SMNDC1: variants seen among roughly 807,000 people sequenced by gnomAD.
SMNDC1 encodes survival motor neuron domain containing 1, also known as survival of motor neuron-related-splicing factor 30.
Under a neutral mutation model 29.2 loss-of-function variants are expected in SMNDC1, and 5 were observed. That is an observed-to-expected ratio of 0.17 (90% CI 0.09 to 0.36). The LOEUF is 0.36. Ranked by LOEUF, SMNDC1 falls within the 10% of genes least tolerant of loss-of-function variation. The pLI, the probability that SMNDC1 is intolerant of heterozygous loss-of-function variation, is 1.00. For synonymous variants in SMNDC1, 80 were observed against 89.9 expected (o/e 0.89, Z 0.62); for missense variants, 142 against 268.5 (o/e 0.53, Z 3.29).
chr10:110,297,649 C>G lies in SMNDC1; in HGVS notation c.343G>C (p.Glu115Gln), dbSNP rs1477959785. The change falls in exon 4 of 6, where the codon GAA becomes CAA. Residue 115 changes from glutamate (E) to glutamine (Q), a missense_variant. Coordinates refer to ENST00000369603, the MANE Select transcript of SMNDC1 (RefSeq NM_005871.4). The part of the protein sequence containing the change: ...AITFAGYGNA[E>Q]VTPLLNLKPV... ...TTGAGGTTCAACAGTGGAGTCACTT[C>G]AGCATTGCCATAACCAGCAAAGGTG... The G allele has an allele frequency of 6.2e-7, 1 of 1,614,040 alleles. No homozygotes were observed. Among genetic ancestry groups the G allele is most frequent in the Admixed American group, 1.7e-5 (1 of 59,990 alleles).
intron 2 of SMNDC1, among the ~76,000 whole-genome samples, chr10:110,302,283 C>T (rs1205607318): frequency 3.9e-5 from 6 of 152,168 alleles, no homozygotes; most frequent in Non-Finnish European, 8.8e-5. Flanking sequence ...CCCAAAACAT[C>T]TTTTTTGTAT....
At chr10:110,295,422 C>A in intron 4 of SMNDC1, 41 bp from the exon 5 acceptor site, 2 of 1,508,860 alleles carry the variant, frequency 1.3e-6, no homozygotes, top group South Asian at 1.3e-5. Context: ...TAAGACTTAT[C>A]ATACAAGAAT....
At chr10:110,303,323 C>A in intron 2 of SMNDC1, 145 bp downstream of exon 2, 1 of 615,616 alleles carries the variant, frequency 1.6e-6, no homozygotes, top group Non-Finnish European at 2.7e-6. Flanking sequence ...GGAAGCAACC[C>A]TACTTCTACA....
intron 2 of SMNDC1, among the ~76,000 whole-genome samples, chr10:110,302,034 T>C (rs753690640): frequency 1.1e-4 from 17 of 152,176 alleles, no homozygotes; most frequent in Non-Finnish European, 1.8e-4. Context: ...ATACAAAACA[T>C]TGGCACCCAG....
At position 110,291,224 on chromosome 10, in the gene SMNDC1, C is replaced by A. The variant is rs1857496390; in HGVS notation, c.*2926G>T. Reference sequence around the variant, plus strand: ...GTGTTCGTCAAACAACATACCTTGGCCTGGATAAGTCTAAGGTTGGTCCCA... The same window carrying A: ...GTGTTCGTCAAACAACATACCTTGGACTGGATAAGTCTAAGGTTGGTCCCA... On this transcript the variant is annotated 3_prime_UTR_variant, in exon 6 of 6. Transcript: ENST00000369603. 1 of 152,166 alleles carries A rather than the reference C, an allele frequency of 6.6e-6. No homozygotes were observed. The highest frequency in any genetic ancestry group is 2.4e-5 in the African/African-American group (1 of 41,420). 9.4% of individuals were successfully genotyped at this position (152,166 alleles called of 1,614,324 possible).
At chr10:110,295,731 T>A (rs1857555264) in intron 4 of SMNDC1, among the ~76,000 whole-genome samples, 1 of 151,474 alleles carries the variant, frequency 6.6e-6, no homozygotes, top group Non-Finnish European at 1.5e-5. Context: ...AACCTCCACC[T>A]CCTGGGTTCA....
intron 4 of SMNDC1, 115 bp downstream of exon 4, chr10:110,297,452 A>G: frequency 1.0e-6 from 1 of 962,584 alleles, no homozygotes; most frequent in South Asian, 1.7e-5. Flanking sequence ...CTAATCTTCA[A>G]AACAACGGTA....
At chr10:110,302,502 G>A (rs1043759478) in intron 2 of SMNDC1, among the ~76,000 whole-genome samples, 9 of 152,090 alleles carry the variant, frequency 5.9e-5, no homozygotes, top group Non-Finnish European at 1.0e-4. Flanking sequence ...CCCTATTTCC[G>A]TTAAGTTTGT....
intron 4 of SMNDC1, 24 bp downstream of exon 4, chr10:110,297,540 TAAA>T: frequency 6.2e-7 from 1 of 1,605,896 alleles, no homozygotes; most frequent in Non-Finnish European, 8.5e-7. Context: ...AGATTGCACC[TAAA>T]ATGGAAAAGT....
At chr10:110,294,853 G>T (rs1857543042) in intron 5 of SMNDC1, among the ~76,000 whole-genome samples, 1 of 152,188 alleles carries the variant, frequency 6.6e-6, no homozygotes, top group East Asian at 1.9e-4. Context: ...CAAGGTAAGT[G>T]TATCAAGGGA....
At chr10:110,294,438 A>G in intron 5 of SMNDC1, 151 bp from the exon 6 acceptor site, 1 of 605,674 alleles carries the variant, frequency 1.7e-6, no homozygotes, top group South Asian at 2.5e-5. Context: ...ATGGGTACAG[A>G]AGTGGTCCCA....
chr10:110,302,699 GT>G (rs1398022788), intron 2 of SMNDC1, among the ~76,000 whole-genome samples: 29 of 152,148 alleles, frequency 1.9e-4, no homozygotes, highest in Admixed American at 1.6e-3. Context: ...GCTCTTAAAA[GT>G]CATATATATT....
At chr10:110,296,152 A>G (rs1590426430) in intron 4 of SMNDC1, among the ~76,000 whole-genome samples, 1 of 152,220 alleles carries the variant, frequency 6.6e-6, no homozygotes, top group Non-Finnish European at 1.5e-5. Context: ...CACAAATGGA[A>G]ATCATAGCTA....
chr10:110,302,422 G>A (rs1857666505), intron 2 of SMNDC1, among the ~76,000 whole-genome samples: 1 of 152,178 alleles, frequency 6.6e-6, no homozygotes, highest in Non-Finnish European at 1.5e-5. Flanking sequence ...TATTCTAAAT[G>A]TAGAACTTGA....
At chr10:110,296,439 TTAATA>T (rs1160303788) in intron 4 of SMNDC1, among the ~76,000 whole-genome samples, 6 of 152,194 alleles carry the variant, frequency 3.9e-5, no homozygotes, top group Non-Finnish European at 8.8e-5. Context: ...AATGCTTACA[TTAATA>T]TATAATTTTT....
rs769978730 is a variant in SMNDC1 at position 110,293,343 on chromosome 10, T to C, written c.*807A>G. On this transcript the variant is annotated 3_prime_UTR_variant, in exon 6 of 6. Transcript: ENST00000369603. ...ATGAAATATTCAGTATTCTTGTTCA[T>C]TAATTTAGCCTTGTGTTTTTACAAA... The C allele has an allele frequency of 1.9e-4, 29 of 152,644 alleles. No homozygotes were observed. The highest frequency in any genetic ancestry group is 7.9e-4 in the Admixed American group (12 of 15,278). 9.5% of individuals were successfully genotyped at this position (152,644 alleles called of 1,614,324 possible).
In SMNDC1 at chr10:110,299,013, C is replaced by T. The variant is rs1391014530; in HGVS notation, c.121-223G>A. Among the ~76,000 whole-genome samples, 3 of 152,138 alleles carry T rather than the reference C, an allele frequency of 2.0e-5. No individual in the cohort carries two copies. The South Asian group carries it at 6.2e-4, about 31-fold the overall frequency. ...CTGTGACTTAAGCCCATATAGTTGC[C>T]TTTCAACTTAACCACAAATACTAAT... On this transcript the variant is annotated intron_variant, in intron 2 of 5. Transcript: ENST00000369603.
At chr10:110,301,257 A>C (rs923786317) in intron 2 of SMNDC1, among the ~76,000 whole-genome samples, 1 of 152,200 alleles carries the variant, frequency 6.6e-6, no homozygotes, top group African/African-American at 2.4e-5. Context: ...AAAGGAGGGG[A>C]ATGAGGGGGG....
intron 3 of SMNDC1, 24 bp downstream of exon 3, chr10:110,298,624 T>G: frequency 1.3e-6 from 2 of 1,579,064 alleles, no homozygotes; most frequent in Non-Finnish European, 1.7e-6. Flanking sequence ...ATGTTATAGT[T>G]AGAGTTTTTT....
Sources: gnomAD v4.1 joint callset for allele counts (sites outside exome capture counted in the v4.1 genomes callset) on GRCh38, gnomAD v4.1.1 for gene constraint, MANE v1.5 for transcripts, NCBI Gene and HGNC (gene_info 2026-07-23, HGNC 2026-07-21) for gene names.